NSA2: variants seen among roughly 807,000 people sequenced by gnomAD.
NSA2 encodes NSA2 ribosome biogenesis factor, also known as ribosome biogenesis protein NSA2 homolog.
A neutral mutation model predicts 34.8 loss-of-function variants in NSA2; 18 were observed. The observed-to-expected ratio is 0.52, with a 90% CI of 0.36 to 0.77. The LOEUF (loss-of-function observed/expected upper bound fraction) is 0.77. NSA2 is among the 30% of genes least tolerant of loss of function. NSA2 has a pLI of 0.00. For missense variants in NSA2, 188 were observed against 314.7 expected, an observed-to-expected ratio of 0.60 and a Z score of 3.05; for synonymous variants, 79 against 100.2, an observed-to-expected ratio of 0.79 and a Z score of 1.26.
rs748520252 is a variant in NSA2 at position 74,767,377 on chromosome 5, C to T, written c.3+14C>T. 6.2e-7 allele frequency: 1 copy of T among 1,612,578 alleles called. No individual in the cohort carries two copies. The highest frequency in any genetic ancestry group is 1.3e-5 in the African/African-American group (1 of 74,906). ...GCCGTCACCATGGTAAGGAGGATGC[C>T]TCGGACGCTCGCGACACACAGCGTC... On this transcript the variant is annotated intron_variant, in intron 1 of 5. Coordinates refer to ENST00000610426, the MANE Select transcript of NSA2 (RefSeq NM_014886.6).
chr5:74,768,412 A>G (rs1045550558), intron 1 of NSA2, among the ~76,000 whole-genome samples: 3 of 152,228 alleles, frequency 2.0e-5, no homozygotes, highest in Non-Finnish European at 4.4e-5. Flanking sequence ...CTGTAGGGAT[A>G]GGTATCAAAC....
chr5:74,771,997 A>G (rs1005614285), intron 4 of NSA2, among the ~76,000 whole-genome samples: 2 of 152,198 alleles, frequency 1.3e-5, no homozygotes, highest in Admixed American at 6.5e-5. Flanking sequence ...AGTTGAAGAT[A>G]TATTTTTGCA....
intron 1 of NSA2, among the ~76,000 whole-genome samples, chr5:74,768,132 G>A (rs1744768525): frequency 6.6e-6 from 1 of 152,194 alleles, no homozygotes; most frequent in Non-Finnish European, 1.5e-5. Context: ...AAAACGGTCT[G>A]GCAGTAAACA....
At chr5:74,768,308 C>T (rs1744782018) in intron 1 of NSA2, among the ~76,000 whole-genome samples, 1 of 152,168 alleles carries the variant, frequency 6.6e-6, no homozygotes, top group African/African-American at 2.4e-5. Context: ...GTTCCTATAC[C>T]TGCAGCAAAT....
chr5:74,775,371 T>C (rs1745076386), intron 5 of NSA2, among the ~76,000 whole-genome samples: 1 of 152,074 alleles, frequency 6.6e-6, no homozygotes, highest in Non-Finnish European at 1.5e-5. Flanking sequence ...ATCCCAGCAC[T>C]TGGGGAGGCC....
Sources: gnomAD v4.1 joint callset for allele counts (sites outside exome capture counted in the v4.1 genomes callset) on GRCh38, gnomAD v4.1.1 for gene constraint, MANE v1.5 for transcripts, NCBI Gene and HGNC (gene_info 2026-07-23, HGNC 2026-07-21) for gene names.